The following FIP1L1 variants were observed in gnomAD, a reference collection of about 807,000 sequenced individuals.
FIP1L1 encodes the protein factor interacting with PAPOLA and CPSF1.
A neutral mutation model predicts 84.6 loss-of-function variants in FIP1L1; 21 were observed. That is an observed-to-expected ratio of 0.25 (90% confidence interval 0.18 to 0.36). The LOEUF is 0.36. Ranked by LOEUF, FIP1L1 falls within the 10% of genes least tolerant of loss-of-function variation. The probability of loss-of-function intolerance (pLI) is 1.00; values close to 1 mark genes in which losing one functional copy is unlikely to be tolerated. For missense variants in FIP1L1, 526 were observed against 751.1 expected (o/e 0.70, Z 3.50); for synonymous variants, 263 against 242.3 (o/e 1.09, Z -0.80).
intron 13 of FIP1L1, among the ~76,000 whole-genome samples, chr4:53,441,675 G>C (rs1305503616): frequency 1.3e-5 from 2 of 151,928 alleles, no homozygotes; most frequent in African/African-American, 4.8e-5. Context: ...AGGATTCAGA[G>C]AACTGATTCA....
intron 10 of FIP1L1, among the ~76,000 whole-genome samples, chr4:53,401,754 A>T (rs1409126460): frequency 6.6e-6 from 1 of 152,230 alleles, no homozygotes; most frequent in Non-Finnish European, 1.5e-5. Flanking sequence ...GAAGAAGACC[A>T]AGAGTTCAGT....
intron 12 of FIP1L1, among the ~76,000 whole-genome samples, chr4:53,427,689 A>G (rs1169520890): frequency 6.6e-6 from 1 of 152,202 alleles, no homozygotes; most frequent in Non-Finnish European, 1.5e-5. Flanking sequence ...TTGGGTGACA[A>G]AGATAATACT....
At chr4:53,413,267 C>CT (rs1757990105) in intron 10 of FIP1L1, among the ~76,000 whole-genome samples, 1 of 151,832 alleles carries the variant, frequency 6.6e-6, no homozygotes, top group Non-Finnish European at 1.5e-5. Flanking sequence ...CAAAGGCACT[C>CT]TGATTCCTTT....
chr4:53,448,859 T>C (rs535950907), intron 15 of FIP1L1, among the ~76,000 whole-genome samples: 3 of 152,260 alleles, frequency 2.0e-5, no homozygotes, highest in South Asian at 2.1e-4. Flanking sequence ...TGAATGTCTT[T>C]GGTTGGATTT....
chr4:53,409,865 G>T (rs1300190281), intron 10 of FIP1L1, among the ~76,000 whole-genome samples: 1 of 152,234 alleles, frequency 6.6e-6, no homozygotes, highest in Non-Finnish European at 1.5e-5. Flanking sequence ...TAGGGTGGGA[G>T]TGACCCAATT....
chr4:53,415,564 T>A (rs10000746), intron 11 of FIP1L1, among the ~76,000 whole-genome samples: 103,650 of 149,638 alleles, frequency 0.69, 35,991 homozygotes, highest in Middle Eastern at 0.72. Context: ...AATTTTAAGC[T>A]ATTTACCTGG....
chr4:53,379,959 T>C (rs780399536), intron 3 of FIP1L1, among the ~76,000 whole-genome samples: 7 of 152,186 alleles, frequency 4.6e-5, no homozygotes, highest in African/African-American at 1.4e-4. Context: ...GTGGAAGATA[T>C]ACAACTTCAT....
chr4:53,382,497 A>G (rs13120696), intron 4 of FIP1L1, among the ~76,000 whole-genome samples, 162 bp downstream of exon 4: 2 of 152,226 alleles, frequency 1.3e-5, no homozygotes, highest in African/African-American at 4.8e-5. Context: ...AAAAACATAT[A>G]TAGGAATTAA....
chr4:53,394,098 A>G (rs1275616921), intron 9 of FIP1L1, among the ~76,000 whole-genome samples: 1 of 151,416 alleles, frequency 6.6e-6, no homozygotes, highest in Non-Finnish European at 1.5e-5. Context: ...TTCCAAGAAA[A>G]TTTTTCTTTA....
intron 15 of FIP1L1, among the ~76,000 whole-genome samples, chr4:53,447,165 A>G (rs921233269): frequency 2.6e-5 from 4 of 151,966 alleles, no homozygotes; most frequent in Non-Finnish European, 4.4e-5. Context: ...CAGCATTTCT[A>G]TATATGTTTA....
intron 9 of FIP1L1, among the ~76,000 whole-genome samples, chr4:53,399,035 C>T (rs1748891378): frequency 6.6e-6 from 1 of 152,098 alleles, no homozygotes; most frequent in African/African-American, 2.4e-5. Flanking sequence ...CCTGTAATCC[C>T]AGCTACTCGG....
intron 16 of FIP1L1, among the ~76,000 whole-genome samples, chr4:53,457,256 C>T (rs1448108660): frequency 1.3e-5 from 2 of 152,024 alleles, no homozygotes; most frequent in Admixed American, 1.3e-4. Flanking sequence ...GTGGCAAAAT[C>T]AGGATGTGAT....
intron 6 of FIP1L1, among the ~76,000 whole-genome samples, chr4:53,390,261 A>G (rs112176339): frequency 6.6e-6 from 1 of 152,066 alleles, no homozygotes; most frequent in Admixed American, 6.6e-5. Flanking sequence ...AGCTCTTTTT[A>G]AAGAGTAATT....
chr4:53,406,028 A>G (rs976547687), intron 10 of FIP1L1, among the ~76,000 whole-genome samples: 5 of 151,860 alleles, frequency 3.3e-5, no homozygotes, highest in Non-Finnish European at 7.4e-5. Flanking sequence ...TGCCCTGGCC[A>G]GAACTTCCAA....
At chr4:53,398,592 A>C (rs1172541593) in intron 9 of FIP1L1, among the ~76,000 whole-genome samples, 1 of 152,194 alleles carries the variant, frequency 6.6e-6, no homozygotes, top group Non-Finnish European at 1.5e-5. Context: ...TGGAGCAGGG[A>C]ATTTAAATAG....
At chr4:53,409,727 G>T (rs997568411) in intron 10 of FIP1L1, among the ~76,000 whole-genome samples, 14 of 152,182 alleles carry the variant, frequency 9.2e-5, no homozygotes, top group African/African-American at 2.9e-4. Flanking sequence ...GCTGCCACCT[G>T]GCAGTTTGAT....
intron 16 of FIP1L1, among the ~76,000 whole-genome samples, chr4:53,456,003 A>G (rs796469597): frequency 9.9e-5 from 15 of 152,232 alleles, no homozygotes; most frequent in African/African-American, 3.1e-4. Context: ...TGTTGACTTT[A>G]GCCAATTGGA....
intron 15 of FIP1L1, among the ~76,000 whole-genome samples, chr4:53,451,885 CTT>C (rs139817657): frequency 4.2e-4 from 59 of 140,868 alleles, no homozygotes; most frequent in Admixed American, 8.4e-4. Context: ...ATAGACATTC[CTT>C]TTTTTTTTTT....
At chr4:53,451,576 T>TA (rs1715972601) in intron 15 of FIP1L1, among the ~76,000 whole-genome samples, 1 of 13,480 alleles carries the variant, frequency 7.4e-5, no homozygotes, top group Non-Finnish European at 1.8e-4. Context: ...ATACATTTTC[T>TA]TTTTTTTTTT....
Sources: allele counts gnomAD v4.1 joint callset (sites outside exome capture counted in the v4.1 genomes callset), GRCh38; gene constraint gnomAD v4.1.1; transcripts MANE v1.5; gene names NCBI Gene and HGNC (gene_info 2026-07-23, HGNC 2026-07-21).